Variants in TRMT11 observed in about 807,000 individuals in gnomAD.
TRMT11 encodes tRNA (guanine(10)-N(2))-methyltransferase TRMT11.
Under a neutral mutation model 62.8 loss-of-function variants are expected in TRMT11, and 53 were observed. The ratio of observed to expected loss-of-function variants is 0.84; its 90% CI spans 0.68 to 1.06. The LOEUF (loss-of-function observed/expected upper bound fraction) is 1.06, where lower values mean the gene tolerates loss of function less well. Ranked by LOEUF, TRMT11 falls within the 50% of genes least tolerant of loss-of-function variation. The pLI, the probability that TRMT11 is intolerant of heterozygous loss-of-function variation, is 0.00. For synonymous variants in TRMT11, 188 were observed against 190.3 expected, an observed-to-expected ratio of 0.99 and a Z score of 0.10; for missense variants, 556 against 553.4, an observed-to-expected ratio of 1.00 and a Z score of -0.05.
At chr6:126,011,123 A>C (rs1794115127) in intron 8 of TRMT11, 130 bp from the exon 9 acceptor site, 2 of 690,916 alleles carry the variant, frequency 2.9e-6, no homozygotes, top group Middle Eastern at 4.2e-4. Flanking sequence ...ACATAAAATT[A>C]AGATTTTAAA....
At chr6:126,044,414 A>G (rs537275274) in intron 16 of TRMT11, among the ~76,000 whole-genome samples, 7 of 152,218 alleles carry the variant, frequency 4.6e-5, no homozygotes, top group African/African-American at 1.2e-4. Context: ...GTCGATCTAT[A>G]TCTCTGTTTT....
At chr6:126,264,094 AG>A in the TRMT11 span, among the ~76,000 whole-genome samples, 4 of 152,184 alleles carry the variant, frequency 2.6e-5, no homozygotes, top group African/African-American at 9.7e-5. Context: ...ACACGTGCCT[AG>A]GTGTGGTTTT....
intron 21 of TRMT11, among the ~76,000 whole-genome samples, chr6:126,137,742 A>G (rs1777868716): frequency 6.6e-6 from 1 of 151,966 alleles, no homozygotes; most frequent in South Asian, 2.1e-4. Flanking sequence ...AGATGAATAG[A>G]TAAAGCAAAT....
At chr6:125,999,149 C>T (rs1233107197) in intron 6 of TRMT11, among the ~76,000 whole-genome samples, 2 of 151,960 alleles carry the variant, frequency 1.3e-5, no homozygotes, top group African/African-American at 2.4e-5. Flanking sequence ...GAAGTTGTGA[C>T]TTATGTTAGA....
the TRMT11 span, among the ~76,000 whole-genome samples, chr6:126,263,727 A>G: frequency 1.3e-5 from 2 of 152,284 alleles, no homozygotes; most frequent in African/African-American, 4.8e-5. Flanking sequence ...CATCTAGGGT[A>G]TTTGGGTATG....
At chr6:126,001,582 A>G (rs560566297) in intron 7 of TRMT11, among the ~76,000 whole-genome samples, 7 of 152,260 alleles carry the variant, frequency 4.6e-5, no homozygotes, top group East Asian at 3.9e-4. Flanking sequence ...TCATAATCAT[A>G]AACAGTACAA....
chr6:126,106,315 T>A (rs1414603289), intron 17 of TRMT11, among the ~76,000 whole-genome samples: 1 of 152,038 alleles, frequency 6.6e-6, no homozygotes, highest in Non-Finnish European at 1.5e-5. Context: ...GGCTAATATT[T>A]TGTATTTTTA....
At chr6:126,269,291 T>C in the TRMT11 span, among the ~76,000 whole-genome samples, 5 of 136,826 alleles carry the variant, frequency 3.7e-5, 1 homozygote, top group South Asian at 1.1e-3. Flanking sequence ...AAAAAAAATA[T>C]GACTGGGTTT....
At chr6:126,241,991 AT>A in the TRMT11 span, among the ~76,000 whole-genome samples, 1 of 152,176 alleles carries the variant, frequency 6.6e-6, no homozygotes, top group Non-Finnish European at 1.5e-5. Context: ...AGGAAGTCAA[AT>A]TGTCCCTGTT....
downstream of TRMT11, among the ~76,000 whole-genome samples, chr6:126,204,603 T>G (rs1562348254): frequency 6.6e-6 from 1 of 152,208 alleles, no homozygotes; most frequent in Non-Finnish European, 1.5e-5. Flanking sequence ...TCCCCTCTAT[T>G]AGGTCTTGAT....
rs150725086 is a variant in TRMT11 at position 126,061,272 on chromosome 6, A to G, written c.*1437+8082A>G. ...CCCGGGTGATTTCTGTGGATGTTACAATCTGGGAAATATGGTTCCCAACTC... is the reference window on the plus strand; with the variant it reads ...CCCGGGTGATTTCTGTGGATGTTACGATCTGGGAAATATGGTTCCCAACTC... On this transcript the variant is annotated intron_variant and NMD_transcript_variant, in intron 17 of 22. Coordinates refer to the TRMT11 transcript ENST00000648977. 1.4e-4 allele frequency among the ~76,000 whole-genome samples: 22 copies of G among 152,352 alleles called. No homozygotes were observed. The East Asian group carries it at 3.9e-3, about 27-fold the overall frequency.
intron 1 of TRMT11, among the ~76,000 whole-genome samples, chr6:126,184,264 G>A (rs1229737664): frequency 6.6e-6 from 1 of 152,030 alleles, no homozygotes; most frequent in Non-Finnish European, 1.5e-5. Context: ...TACACTAGAG[G>A]TCTTCTTTGA....
rs1215976616 is a variant in TRMT11 at position 126,021,196 on chromosome 6, G to A, written c.1176G>A (p.Leu392=). The part of the protein sequence containing the change: ...TEEMVPWHPC[L]ELVSNCEQKL... ...AGATGGTGCCTTGGCACCCTTGCCT[G>A]GAACTCGTTAGCAACTGCGAGCAGA... The change falls in exon 12 of 13, where the codon CTG becomes CTA. Residue 392 remains leucine, a synonymous_variant. Transcript: ENST00000334379. The A allele has an allele frequency of 6.2e-7, 1 of 1,613,988 alleles. No homozygotes were observed. Among genetic ancestry groups the A allele is most frequent in the African/African-American group, 1.3e-5 (1 of 74,932 alleles).
At chr6:126,042,902 G>A (rs1253414865), downstream of TRMT11, among the ~76,000 whole-genome samples, 1 of 152,162 alleles carries the variant, frequency 6.6e-6, no homozygotes, top group Non-Finnish European at 1.5e-5. Flanking sequence ...AATATGGGCT[G>A]AGTTGTTATT....
At chr6:126,271,363 C>CA in the TRMT11 span, among the ~76,000 whole-genome samples, 1,481 of 36,036 alleles carry the variant, frequency 0.041, 119 homozygotes, top group African/African-American at 0.071. Flanking sequence ...GACTCCATCT[C>CA]AAAAAAAAAA....
intron 1 of TRMT11, among the ~76,000 whole-genome samples, chr6:126,183,346 G>C (rs1411925231): frequency 6.6e-6 from 1 of 152,116 alleles, no homozygotes; most frequent in Admixed American, 6.5e-5. Context: ...GAGAGCAAAA[G>C]TTTCTTCTGT....
intron 21 of TRMT11, among the ~76,000 whole-genome samples, chr6:126,138,990 C>G (rs1360376364): frequency 6.6e-6 from 1 of 151,904 alleles, no homozygotes; most frequent in Non-Finnish European, 1.5e-5. Context: ...TAAGTCAGTT[C>G]TCATAAATAT....
At chr6:126,027,461 T>A (rs1448911076) in intron 12 of TRMT11, among the ~76,000 whole-genome samples, 5 of 152,228 alleles carry the variant, frequency 3.3e-5, no homozygotes, top group Non-Finnish European at 5.9e-5. Flanking sequence ...AAAATTATTT[T>A]AAATTACTAT....
intron 21 of TRMT11, among the ~76,000 whole-genome samples, chr6:126,116,731 C>T (rs1777591353): frequency 6.6e-6 from 1 of 152,064 alleles, no homozygotes; most frequent in Admixed American, 6.6e-5. Flanking sequence ...GATGGTTTCA[C>T]TTGGTCCAAG....
Sources: allele counts gnomAD v4.1 joint callset (sites outside exome capture counted in the v4.1 genomes callset), GRCh38; gene constraint gnomAD v4.1.1; transcripts MANE v1.5; gene names NCBI Gene and HGNC (gene_info 2026-07-23, HGNC 2026-07-21).